SCHIP1: variants seen among roughly 807,000 people sequenced by gnomAD.
SCHIP1 encodes schwannomin interacting protein 1.
A neutral mutation model predicts 29.7 loss-of-function variants in SCHIP1; 8 were observed. The observed-to-expected ratio is 0.27, with a 90% confidence interval of 0.16 to 0.49. SCHIP1 has a LOEUF of 0.49. Ranked by LOEUF, SCHIP1 falls within the 20% of genes least tolerant of loss-of-function variation. The pLI is 0.99. For missense variants in SCHIP1, 193 were observed against 294.6 expected (o/e 0.66, Z 2.52); for synonymous variants, 76 against 94.9 (o/e 0.80, Z 1.16).
the SCHIP1 span, among the ~76,000 whole-genome samples, chr3:159,724,619 G>T: frequency 6.6e-6 from 1 of 152,142 alleles, no homozygotes; most frequent in South Asian, 2.1e-4. Context: ...TTGCTATGGT[G>T]ATTTACAATG....
At chr3:159,598,194 G>A in the SCHIP1 span, among the ~76,000 whole-genome samples, 1 of 151,518 alleles carries the variant, frequency 6.6e-6, no homozygotes, top group Non-Finnish European at 1.5e-5. Flanking sequence ...TTCTGCCCCT[G>A]GCCTCTCCCA....
the SCHIP1 span, among the ~76,000 whole-genome samples, chr3:159,477,294 G>A: frequency 4.0e-4 from 61 of 152,048 alleles, no homozygotes; most frequent in African/African-American, 9.2e-4. Flanking sequence ...AATTTTTTCC[G>A]GATATATGAC....
the SCHIP1 span, among the ~76,000 whole-genome samples, chr3:159,797,535 T>A: frequency 6.6e-6 from 1 of 152,176 alleles, no homozygotes; most frequent in South Asian, 2.1e-4. Context: ...GTCACTTACA[T>A]TTCTCAAAAA....
At chr3:159,808,985 C>CT in the SCHIP1 span, among the ~76,000 whole-genome samples, 65,606 of 138,054 alleles carry the variant, frequency 0.48, 15,120 homozygotes, top group East Asian at 0.75. Context: ...TTTTTTCTTT[C>CT]TTTTTTTTTT....
chr3:159,584,942 C>T, the SCHIP1 span, among the ~76,000 whole-genome samples: 1 of 152,006 alleles, frequency 6.6e-6, no homozygotes, highest in Non-Finnish European at 1.5e-5. Context: ...GCACTAACAC[C>T]TCCCAGACTT....
the SCHIP1 span, among the ~76,000 whole-genome samples, chr3:159,437,894 A>G: frequency 6.6e-6 from 1 of 152,160 alleles, no homozygotes; most frequent in South Asian, 2.1e-4. Flanking sequence ...AATCATGGAG[A>G]CAGACTGCCC....
the SCHIP1 span, among the ~76,000 whole-genome samples, chr3:159,577,866 A>G: frequency 6.6e-6 from 1 of 152,220 alleles, no homozygotes; most frequent in Non-Finnish European, 1.5e-5. Flanking sequence ...AAAGCAATCA[A>G]CCAGAAAATA....
chr3:159,286,563 ATTTATATTCCTTTGAGT>A, the SCHIP1 span, among the ~76,000 whole-genome samples: 1 of 152,176 alleles, frequency 6.6e-6, no homozygotes, highest in African/African-American at 2.4e-5. Context: ...TGGCAGAATG[ATTTATATTCCTTTGAGT>A]ATATACCTAA....
At chr3:159,489,081 CTGAT>C in the SCHIP1 span, among the ~76,000 whole-genome samples, 1 of 152,158 alleles carries the variant, frequency 6.6e-6, no homozygotes, top group Admixed American at 6.6e-5. Flanking sequence ...AGCCATAGCA[CTGAT>C]TAATTTCAAA....
At chr3:159,811,165 C>G in the SCHIP1 span, among the ~76,000 whole-genome samples, 1 of 152,160 alleles carries the variant, frequency 6.6e-6, no homozygotes, top group East Asian at 1.9e-4. Context: ...TATTAACTTA[C>G]AAGTGATTTT....
the SCHIP1 span, chr3:159,764,343 GGC>G: frequency 7.2e-7 from 1 of 1,397,110 alleles, no homozygotes; most frequent in East Asian, 2.5e-5. The surrounding 1 kb of genome is among the most constrained non-coding windows in gnomAD (Gnocchi z 6.1). Flanking sequence ...TGACCCAGCG[GGC>G]GCAGGGTGCG....
the SCHIP1 span, among the ~76,000 whole-genome samples, chr3:159,658,573 C>G: frequency 1.3e-5 from 2 of 152,130 alleles, no homozygotes; most frequent in African/African-American, 4.8e-5. Context: ...GTTGGACTGT[C>G]CCTGGTTCAG....
the SCHIP1 span, among the ~76,000 whole-genome samples, chr3:159,481,239 C>T: frequency 6.6e-6 from 1 of 152,058 alleles, no homozygotes; most frequent in African/African-American, 2.4e-5. Context: ...AGATGTGGAC[C>T]CAGCCAATTG....
the SCHIP1 span, among the ~76,000 whole-genome samples, chr3:159,338,479 A>C: frequency 6.6e-6 from 1 of 152,104 alleles, no homozygotes; most frequent in Non-Finnish European, 1.5e-5. Flanking sequence ...TGAGGTTATG[A>C]CTATATTGTG....
chr3:159,704,806 A>G, the SCHIP1 span, among the ~76,000 whole-genome samples: 1 of 151,844 alleles, frequency 6.6e-6, no homozygotes, highest in African/African-American at 2.4e-5. Flanking sequence ...TAATAATACA[A>G]TATTTTCTTT....
At chr3:159,288,101 A>G in the SCHIP1 span, among the ~76,000 whole-genome samples, 3 of 152,128 alleles carry the variant, frequency 2.0e-5, no homozygotes, top group Non-Finnish European at 4.4e-5. Flanking sequence ...GGTATACTAC[A>G]TGAAGTAAAA....
At chr3:159,537,691 C>T in the SCHIP1 span, among the ~76,000 whole-genome samples, 7 of 152,146 alleles carry the variant, frequency 4.6e-5, no homozygotes, top group South Asian at 1.2e-3. Context: ...AACCATAGAG[C>T]CATAAACATG....
the SCHIP1 span, among the ~76,000 whole-genome samples, chr3:159,277,518 C>T: frequency 6.6e-6 from 1 of 150,986 alleles, no homozygotes; most frequent in Non-Finnish European, 1.5e-5. Flanking sequence ...TAATTTGGAG[C>T]TAGAAACCAA....
At chr3:159,362,495 A>T in the SCHIP1 span, among the ~76,000 whole-genome samples, 1 of 152,204 alleles carries the variant, frequency 6.6e-6, no homozygotes, top group Non-Finnish European at 1.5e-5. Context: ...CAGATCTTTC[A>T]TGTGATACAT....
Sources: allele counts gnomAD v4.1 joint callset (sites outside exome capture counted in the v4.1 genomes callset), GRCh38; gene constraint gnomAD v4.1.1; non-coding constraint Gnocchi (gnomAD v3.1); transcripts MANE v1.5; gene names NCBI Gene and HGNC (gene_info 2026-07-23, HGNC 2026-07-21).